The following NELL1 variants were observed in gnomAD, a reference collection of about 807,000 sequenced individuals.
NELL1 encodes protein kinase C-binding protein NELL1.
In NELL1, 76 loss-of-function variants were observed where a neutral mutation model predicts 107.4. The ratio of observed to expected loss-of-function variants is 0.71; its 90% CI spans 0.59 to 0.86. NELL1 has a LOEUF of 0.86. Ranked by LOEUF, NELL1 falls within the 40% of genes least tolerant of loss-of-function variation. The probability of loss-of-function intolerance (pLI) is 0.00; values close to 1 mark genes in which losing one functional copy is unlikely to be tolerated. For missense variants in NELL1, 1,024 were observed against 1,005.5 expected (o/e 1.02, Z -0.25); for synonymous variants, 353 against 341.2 (o/e 1.03, Z -0.38).
chr11:21,246,229 T>C (rs1858487972), intron 14 of NELL1, among the ~76,000 whole-genome samples: 1 of 152,164 alleles, frequency 6.6e-6, no homozygotes, highest in Non-Finnish European at 1.5e-5. Context: ...TGTCTCCATA[T>C]TATATGTGAG....
chr11:21,317,562 G>C (rs1849905603), intron 14 of NELL1, among the ~76,000 whole-genome samples: 1 of 151,684 alleles, frequency 6.6e-6, no homozygotes, highest in African/African-American at 2.4e-5. Context: ...CTGCCAAGGA[G>C]GATATTTTAT....
At chr11:21,060,288 G>C (rs1211362621) in intron 12 of NELL1, among the ~76,000 whole-genome samples, 3 of 152,072 alleles carry the variant, frequency 2.0e-5, no homozygotes, top group African/African-American at 7.2e-5. Flanking sequence ...TTCTCCTTCT[G>C]TATTATGAAA....
chr11:21,572,884 G>C (rs945058628), intron 18 of NELL1, among the ~76,000 whole-genome samples: 4 of 151,884 alleles, frequency 2.6e-5, no homozygotes, highest in Admixed American at 2.6e-4. Flanking sequence ...AAAACTTAAT[G>C]TGGAATTGTG....
intron 11 of NELL1, among the ~76,000 whole-genome samples, chr11:20,948,970 C>G (rs1455737790): frequency 6.6e-6 from 1 of 151,616 alleles, no homozygotes; most frequent in African/African-American, 2.4e-5. Flanking sequence ...CCTATCTTTT[C>G]TGTAGCAGAG....
chr11:21,205,161 C>G (rs1791853), intron 13 of NELL1, among the ~76,000 whole-genome samples: 100,469 of 152,078 alleles, frequency 0.66, 36,518 homozygotes, highest in Non-Finnish European at 0.81. Context: ...TTGCTGCTCT[C>G]TTCAGCAGCC....
At chr11:21,546,542 A>T (rs1318727951) in intron 16 of NELL1, among the ~76,000 whole-genome samples, 1 of 151,934 alleles carries the variant, frequency 6.6e-6, no homozygotes, top group Non-Finnish European at 1.5e-5. Context: ...CTACTCTCAT[A>T]ATATAGAATC....
intron 5 of NELL1, among the ~76,000 whole-genome samples, chr11:20,900,432 G>A (rs939982376): frequency 4.6e-5 from 7 of 152,248 alleles, no homozygotes; most frequent in South Asian, 4.1e-4. Flanking sequence ...CACAAGGTAT[G>A]GACACAGTGA....
intron 13 of NELL1, among the ~76,000 whole-genome samples, chr11:21,155,808 A>G (rs1463990626): frequency 6.6e-6 from 1 of 152,154 alleles, no homozygotes; most frequent in East Asian, 1.9e-4. Flanking sequence ...AGGGAAGGAT[A>G]TGGAGTTGGG....
chr11:21,510,617 T>G (rs1249664796), intron 15 of NELL1, among the ~76,000 whole-genome samples: 1 of 152,200 alleles, frequency 6.6e-6, no homozygotes, highest in Non-Finnish European at 1.5e-5. Flanking sequence ...ATGTTTGCAC[T>G]GTGATATGAA....
chr11:21,565,843 A>C (rs1047760896), intron 17 of NELL1, among the ~76,000 whole-genome samples: 2 of 151,970 alleles, frequency 1.3e-5, no homozygotes, highest in Admixed American at 6.6e-5. Context: ...CCCAGGTGTT[A>C]GGACTAAGAG....
chr11:21,173,171 C>T lies in NELL1; in HGVS notation c.1427-56161C>T, dbSNP rs182360936. ...ACTTCTCAGAAATATATGTACAGAACAGGTCTTTGGTATGAGACACACACT... is the reference window on the plus strand; with the variant it reads ...ACTTCTCAGAAATATATGTACAGAATAGGTCTTTGGTATGAGACACACACT... On this transcript the variant is annotated intron_variant, in intron 13 of 19. Coordinates refer to ENST00000357134, the MANE Select transcript of NELL1 (RefSeq NM_006157.5). Among the ~76,000 whole-genome samples the T allele has an allele frequency of 2.3e-3, 346 of 151,856 alleles. 4 individuals carry two copies. Among genetic ancestry groups the T allele is most frequent in the South Asian group, 9.7e-3 (47 of 4,822 alleles).
At chr11:21,362,911 G>C (rs962930945) in intron 14 of NELL1, among the ~76,000 whole-genome samples, 2 of 152,176 alleles carry the variant, frequency 1.3e-5, no homozygotes, top group African/African-American at 4.8e-5. Context: ...ATGTTCCAGA[G>C]GGGATCTTGG....
At chr11:20,793,662 A>G (rs374837382) in intron 3 of NELL1, among the ~76,000 whole-genome samples, 147 of 152,228 alleles carry the variant, frequency 9.7e-4, no homozygotes, top group African/African-American at 3.4e-3. Context: ...TGATATTGCT[A>G]TATAGTGTTT....
chr11:21,372,128 A>G (rs1247544903), intron 15 of NELL1, among the ~76,000 whole-genome samples: 4 of 151,730 alleles, frequency 2.6e-5, no homozygotes, highest in Non-Finnish European at 5.9e-5. Context: ...TAAAAAAAAC[A>G]TATGAAAGAA....
intron 13 of NELL1, among the ~76,000 whole-genome samples, chr11:21,185,503 C>T (rs1015371449): frequency 6.6e-6 from 1 of 151,598 alleles, no homozygotes; most frequent in Non-Finnish European, 1.5e-5. Context: ...CCATGTTGAC[C>T]AGGCTGGTCT....
intron 12 of NELL1, among the ~76,000 whole-genome samples, chr11:20,966,472 A>G (rs1851389139): frequency 6.6e-6 from 1 of 152,100 alleles, no homozygotes; most frequent in South Asian, 2.1e-4. Context: ...GCAAAACCTT[A>G]ATTCTTAGTT....
chr11:20,702,668 T>G (rs1854826096), intron 2 of NELL1, among the ~76,000 whole-genome samples: 1 of 152,204 alleles, frequency 6.6e-6, no homozygotes, highest in Non-Finnish European at 1.5e-5. Flanking sequence ...GCTCTTATTA[T>G]TTTGAGATAC....
At chr11:21,010,918 A>G (rs1347031362) in intron 12 of NELL1, among the ~76,000 whole-genome samples, 2 of 152,120 alleles carry the variant, frequency 1.3e-5, no homozygotes, top group Admixed American at 6.6e-5. Context: ...GTCTCTAAAC[A>G]GGGTACAATG....
At chr11:21,573,546 G>A (rs1298488217) in intron 19 of NELL1, 137 bp downstream of exon 19, 1 of 743,686 alleles carries the variant, frequency 1.3e-6, no homozygotes, top group African/African-American at 1.8e-5. Flanking sequence ...ACTTCTCATA[G>A]GAATTTAATA....
Sources: gnomAD v4.1 joint callset for allele counts (sites outside exome capture counted in the v4.1 genomes callset) on GRCh38, gnomAD v4.1.1 for gene constraint, MANE v1.5 for transcripts, NCBI Gene and HGNC (gene_info 2026-07-23, HGNC 2026-07-21) for gene names.